PYDC2: variants seen among roughly 807,000 people sequenced by gnomAD.
The protein encoded by PYDC2 is pyrin domain containing 2.
For synonymous variants in PYDC2, 51 were observed against 44.6 expected (o/e 1.14, Z -0.57); for missense variants, 123 against 112.2 (o/e 1.10, Z -0.43).
rs1286297276 is a variant in PYDC2 at position 191,461,357 on chromosome 3, C to T, written c.195C>T (p.Ser65=). ...LVEIFTSHSC[S]YWAGMAAIQV... is the part of the protein sequence containing the mutation. Reference sequence around the variant, plus strand: ...AAATCTTCACCAGCCACTCCTGCAGCTACTGGGCAGGGATGGCAGCCATCC... The same window carrying T: ...AAATCTTCACCAGCCACTCCTGCAGTTACTGGGCAGGGATGGCAGCCATCC... Residue 65 remains serine, a synonymous_variant, in exon 1 of 1, where the codon AGC becomes AGT. Transcript: ENST00000518817. 1.2e-6 allele frequency: 2 copies of T among 1,614,136 alleles called. No homozygotes were observed. Among genetic ancestry groups the T allele is most frequent in the Non-Finnish European group, 1.7e-6 (2 of 1,179,984 alleles).
chr3:191,461,451 C>A lies in PYDC2; in HGVS notation c.289C>A (p.Pro97Thr), dbSNP rs764247692. 3 of 1,610,890 alleles carry A rather than the reference C, an allele frequency of 1.9e-6. No homozygotes were observed. Among genetic ancestry groups the A allele is most frequent in the South Asian group, 2.2e-5 (2 of 90,738 alleles). ...RADEHCVMPP[P>T] ...TGATGAACACTGTGTGATGCCCCCA[C>A]CTTAACCCCTCAGGGATAGTGAGTT... The change falls in exon 1 of 1, where the codon CCT (proline) becomes ACT (threonine). Residue 97 changes from proline to threonine, a missense_variant. Transcript: ENST00000518817.
chr3:191,461,449 C>A lies in PYDC2; in HGVS notation c.287C>A (p.Pro96Gln). 1 of 1,611,234 alleles carries A rather than the reference C, an allele frequency of 6.2e-7. No homozygotes were observed. Among genetic ancestry groups the A allele is most frequent in the Non-Finnish European group, 8.5e-7 (1 of 1,178,056 alleles). ...GRADEHCVMP[P>Q]P Reference sequence around the variant, plus strand: ...GCTGATGAACACTGTGTGATGCCCCCACCTTAACCCCTCAGGGATAGTGAG... The same window carrying A: ...GCTGATGAACACTGTGTGATGCCCCAACCTTAACCCCTCAGGGATAGTGAG... Residue 96 changes from proline (P) to glutamine (Q), a missense_variant, in exon 1 of 1, where the codon CCA becomes CAA. Pro to Gln is a moderately conservative substitution (Grantham distance 76). Transcript: ENST00000518817.
rs74791942 is a variant in PYDC2 at position 191,461,261 on chromosome 3, C to A, written c.99C>A (p.Ile33=). 3.2e-3 allele frequency: 5,236 copies of A among 1,614,130 alleles called. 161 individuals carry two copies. In the African/African-American group the frequency reaches 0.06, roughly 19 times the overall value. ...AGTTCAAGTCTCTGATCAGAACAAT[C>A]TCCCTGGGAAAGGAGCTACAGACCG... ...LSKFKSLIRT[I]SLGKELQTVP... is the part of the protein sequence containing the mutation. The change falls in exon 1 of 1, where the codon ATC becomes ATA. Residue 33 remains isoleucine (I), a synonymous_variant. Transcript: ENST00000518817.
Position 191,461,259 on chromosome 3 carries a change from A to G in PYDC2, c.97A>G (p.Ile33Val), listed in dbSNP as rs1715171047. The G allele has an allele frequency of 1.9e-6, 3 of 1,614,146 alleles. No individual in the cohort carries two copies. Among genetic ancestry groups the G allele is most frequent in the Admixed American group, 1.7e-5 (1 of 60,018 alleles). ...LSKFKSLIRT[I>V]SLGKELQTVP... ...CAAGTTCAAGTCTCTGATCAGAACA[A>G]TCTCCCTGGGAAAGGAGCTACAGAC... The change falls in exon 1 of 1, where the codon ATC becomes GTC. Residue 33 changes from isoleucine (I) to valine (V), a missense_variant. Coordinates refer to ENST00000518817, the MANE Select transcript of PYDC2 (RefSeq NM_001083308.1).
Position 191,461,175 on chromosome 3 carries a change from G to A in PYDC2, c.13G>A (p.Ala5Thr). Reference sequence around the variant, plus strand: ...CACATAGGACAAGATGGCATCTTCTGCAGAGCTGGACTTCAACCTGCAGGC... The same window carrying A: ...CACATAGGACAAGATGGCATCTTCTACAGAGCTGGACTTCAACCTGCAGGC... MASS[A>T]ELDFNLQALL... The change falls in exon 1 of 1, where the codon GCA becomes ACA. Residue 5 changes from alanine (A) to threonine (T), a missense_variant. Coordinates refer to ENST00000518817, the MANE Select transcript of PYDC2 (RefSeq NM_001083308.1). 1 of 1,613,946 alleles carries A rather than the reference G, an allele frequency of 6.2e-7. No individual in the cohort carries two copies. Among genetic ancestry groups the A allele is most frequent in the Non-Finnish European group, 8.5e-7 (1 of 1,179,868 alleles).
Position 191,461,307 on chromosome 3 carries a change from A to G in PYDC2, c.145A>G (p.Lys49Glu). Reference protein sequence around the residue: ...LQTVPQTEVDKANGKQLVEIF... With the variant: ...LQTVPQTEVDEANGKQLVEIF... ...GACCGTCCCCCAGACAGAGGTAGAC[A>G]AGGCTAATGGGAAGCAACTGGTAGA... The change falls in exon 1 of 1, where the codon AAG becomes GAG. Residue 49 changes from lysine (K) to glutamate (E), a missense_variant. Lys to Glu is a moderately conservative substitution (Grantham distance 56). Coordinates refer to ENST00000518817, the MANE Select transcript of PYDC2 (RefSeq NM_001083308.1). 6.2e-7 allele frequency: 1 copy of G among 1,613,908 alleles called. No individual in the cohort carries two copies. The highest frequency in any genetic ancestry group is 8.5e-7 in the Non-Finnish European group (1 of 1,179,924).
rs1326470759 is a variant in PYDC2, at chr3:191,461,408, G to A, written c.246G>A (p.Thr82=). The stretch of plus-strand genomic sequence containing the variant: ...AGGTCTTTGAAAAGATGAATCAAAC[G>A]CATCTGTCTGGGAGAGCTGATGAAC... ...AIQVFEKMNQ[T]HLSGRADEHC... The change falls in exon 1 of 1, where the codon ACG becomes ACA. Residue 82 remains threonine (T), a synonymous_variant. Coordinates refer to ENST00000518817, the MANE Select transcript of PYDC2 (RefSeq NM_001083308.1). 9.9e-6 allele frequency: 16 copies of A among 1,614,020 alleles called. No individual in the cohort carries two copies. The highest frequency in any genetic ancestry group is 2.2e-5 in the East Asian group (1 of 44,896).
rs1362404723 is a variant in PYDC2 at position 191,461,384 on chromosome 3, G to A, written c.222G>A (p.Gln74=). ...CSYWAGMAAI[Q]VFEKMNQTHL... is the part of the protein sequence containing the mutation. ...ACTGGGCAGGGATGGCAGCCATCCA[G>A]GTCTTTGAAAAGATGAATCAAACGC... The change falls in exon 1 of 1, where the codon CAG becomes CAA. Residue 74 remains glutamine, a synonymous_variant. Transcript: ENST00000518817. 1.9e-6 allele frequency: 3 copies of A among 1,614,150 alleles called. No homozygotes were observed. Among genetic ancestry groups the A allele is most frequent in the Non-Finnish European group, 2.5e-6 (3 of 1,180,004 alleles).
the PYDC2 span, chr3:191,461,403 C>T: frequency 6.8e-5 from 109 of 1,614,026 alleles, no homozygotes; most frequent in Non-Finnish European, 8.1e-5. Context: ...AAAGATGAAT[C>T]AAACGCATCT....
chr3:191,461,295 A>G lies in PYDC2; in HGVS notation c.133A>G (p.Thr45Ala), dbSNP rs763521875. 3 of 1,614,060 alleles carry G rather than the reference A, an allele frequency of 1.9e-6. No individual in the cohort carries two copies. In the African/African-American group the frequency reaches 4.0e-5, roughly 22 times the overall value. ...LGKELQTVPQ[T>A]EVDKANGKQL... ...AAAGGAGCTACAGACCGTCCCCCAGACAGAGGTAGACAAGGCTAATGGGAA... is the reference window on the plus strand; with the variant it reads ...AAAGGAGCTACAGACCGTCCCCCAGGCAGAGGTAGACAAGGCTAATGGGAA... The change falls in exon 1 of 1, where the codon ACA becomes GCA. Residue 45 changes from threonine (T) to alanine (A), a missense_variant. By Grantham distance (58) the Thr-to-Ala change is moderately conservative. Coordinates refer to ENST00000518817, the MANE Select transcript of PYDC2 (RefSeq NM_001083308.1).
rs868084371 is a variant in PYDC2, at chr3:191,461,240, C to G, written c.78C>G (p.Phe26Leu). Residue 26 changes from phenylalanine to leucine, a missense_variant, in exon 1 of 1, where the codon TTC becomes TTG. Transcript: ENST00000518817. ...TCAGCCAGGATGAGTTGAGCAAGTT[C>G]AAGTCTCTGATCAGAACAATCTCCC... ...EQLSQDELSK[F>L]KSLIRTISLG... is the part of the protein sequence containing the mutation. 2.5e-6 allele frequency: 4 copies of G among 1,614,012 alleles called. No individual in the cohort carries two copies. The Admixed American group carries it at 6.7e-5, about 27-fold the overall frequency.
chr3:191,461,362 G>T lies in PYDC2; in HGVS notation c.200G>T (p.Trp67Leu), dbSNP rs777803468. 8.7e-6 allele frequency: 14 copies of T among 1,614,128 alleles called. No individual in the cohort carries two copies. In the East Asian group the frequency reaches 2.9e-4, roughly 33 times the overall value. ...EIFTSHSCSY[W>L]AGMAAIQVFE... ...TTCACCAGCCACTCCTGCAGCTACT[G>T]GGCAGGGATGGCAGCCATCCAGGTC... The change falls in exon 1 of 1, where the codon TGG becomes TTG. Residue 67 changes from tryptophan to leucine, a missense_variant. Coordinates refer to ENST00000518817, the MANE Select transcript of PYDC2 (RefSeq NM_001083308.1).
chr3:191,461,290 C>T lies in PYDC2; in HGVS notation c.128C>T (p.Pro43Leu), dbSNP rs368331759. The change falls in exon 1 of 1, where the codon CCC (proline) becomes CTC (leucine). Residue 43 changes from proline (P) to leucine (L), a missense_variant. By Grantham distance (98) the Pro-to-Leu change is moderately conservative. Coordinates refer to ENST00000518817, the MANE Select transcript of PYDC2 (RefSeq NM_001083308.1). ...CTGGGAAAGGAGCTACAGACCGTCC[C>T]CCAGACAGAGGTAGACAAGGCTAAT... ...ISLGKELQTV[P>L]QTEVDKANGK... is the part of the protein sequence containing the mutation. 125 of 1,614,000 alleles carry T rather than the reference C, an allele frequency of 7.7e-5. No individual in the cohort carries two copies. Among genetic ancestry groups the T allele is most frequent in the Non-Finnish European group, 1.1e-4 (124 of 1,180,014 alleles).
chr3:191,461,284 C>G lies in PYDC2; in HGVS notation c.122C>G (p.Thr41Ser), dbSNP rs1363509102. 2 of 1,614,142 alleles carry G rather than the reference C, an allele frequency of 1.2e-6. No individual in the cohort carries two copies. Residue 41 changes from threonine to serine, a missense_variant, in exon 1 of 1, where the codon ACC becomes AGC. Thr to Ser is a moderately conservative substitution (Grantham distance 58). Coordinates refer to ENST00000518817, the MANE Select transcript of PYDC2 (RefSeq NM_001083308.1). ...RTISLGKELQ[T>S]VPQTEVDKAN... ...ATCTCCCTGGGAAAGGAGCTACAGA[C>G]CGTCCCCCAGACAGAGGTAGACAAG...
In PYDC2 at chr3:191,461,286, G is replaced by C; in HGVS notation, c.124G>C (p.Val42Leu). Residue 42 changes from valine to leucine, a missense_variant, in exon 1 of 1, where the codon GTC becomes CTC. Transcript: ENST00000518817. ...CTCCCTGGGAAAGGAGCTACAGACCGTCCCCCAGACAGAGGTAGACAAGGC... is the reference window on the plus strand; with the variant it reads ...CTCCCTGGGAAAGGAGCTACAGACCCTCCCCCAGACAGAGGTAGACAAGGC... Reference protein sequence around the residue: ...TISLGKELQTVPQTEVDKANG... With the variant: ...TISLGKELQTLPQTEVDKANG... 1.9e-6 allele frequency: 3 copies of C among 1,614,096 alleles called. No individual in the cohort carries two copies. The highest frequency in any genetic ancestry group is 1.1e-5 in the South Asian group (1 of 91,072).
At position 191,461,408 on chromosome 3, in the gene PYDC2, G is replaced by C. The variant is rs1326470759; in HGVS notation, c.246G>C (p.Thr82=). 16 of 1,614,022 alleles carry C rather than the reference G, an allele frequency of 9.9e-6. No individual in the cohort carries two copies. Among genetic ancestry groups the C allele is most frequent in the Non-Finnish European group, 1.4e-5 (16 of 1,180,004 alleles). Residue 82 remains threonine (T), a synonymous_variant, in exon 1 of 1, where the codon ACG becomes ACC. Transcript: ENST00000518817. ...AIQVFEKMNQ[T]HLSGRADEHC... is the part of the protein sequence containing the mutation. The stretch of plus-strand genomic sequence containing the variant: ...AGGTCTTTGAAAAGATGAATCAAAC[G>C]CATCTGTCTGGGAGAGCTGATGAAC...
In PYDC2 at chr3:191,461,194, T is replaced by C. The variant is rs539285618; in HGVS notation, c.32T>C (p.Leu11Pro). 1 of 1,614,144 alleles carries C rather than the reference T, an allele frequency of 6.2e-7. No individual in the cohort carries two copies. The highest frequency in any genetic ancestry group is 2.2e-5 in the East Asian group (1 of 44,878). ...TCTTCTGCAGAGCTGGACTTCAACC[T>C]GCAGGCTCTTCTGGAGCAGCTCAGC... MASSAELDFN[L>P]QALLEQLSQD... The change falls in exon 1 of 1, where the codon CTG becomes CCG. Residue 11 changes from leucine (L) to proline (P), a missense_variant. Coordinates refer to ENST00000518817, the MANE Select transcript of PYDC2 (RefSeq NM_001083308.1).
At position 191,461,340 on chromosome 3, in the gene PYDC2, A is replaced by G. The variant is rs200714149; in HGVS notation, c.178A>G (p.Thr60Ala). ...TGGGAAGCAACTGGTAGAAATCTTC[A>G]CCAGCCACTCCTGCAGCTACTGGGC... The part of the protein sequence containing the change: ...ANGKQLVEIF[T>A]SHSCSYWAGM... Residue 60 changes from threonine (T) to alanine (A), a missense_variant, in exon 1 of 1, where the codon ACC becomes GCC. Physicochemically the swap from Thr to Ala is moderately conservative, Grantham distance 58. Transcript: ENST00000518817. The G allele has an allele frequency of 3.1e-6, 5 of 1,602,552 alleles. No individual in the cohort carries two copies. In the Admixed American group the frequency reaches 5.1e-5, roughly 16 times the overall value.
In PYDC2 at chr3:191,461,446, C is replaced by A. The variant is rs1560191613; in HGVS notation, c.284C>A (p.Pro95His). 3 of 1,612,190 alleles carry A rather than the reference C, an allele frequency of 1.9e-6. No homozygotes were observed. Among genetic ancestry groups the A allele is most frequent in the Non-Finnish European group, 1.7e-6 (2 of 1,178,700 alleles). ...SGRADEHCVM[P>H]PP The stretch of plus-strand genomic sequence containing the variant: ...AGAGCTGATGAACACTGTGTGATGC[C>A]CCCACCTTAACCCCTCAGGGATAGT... The change falls in exon 1 of 1, where the codon CCC becomes CAC. Residue 95 changes from proline (P) to histidine (H), a missense_variant. Transcript: ENST00000518817.
Sources: allele counts gnomAD v4.1 joint callset, GRCh38; gene constraint gnomAD v4.1.1; transcripts MANE v1.5; gene names NCBI Gene and HGNC (gene_info 2026-07-23, HGNC 2026-07-21).